Variants in TENM3 observed in about 807,000 individuals in gnomAD.
TENM3 encodes teneurin-3.
In TENM3, 63 loss-of-function variants were observed where a neutral mutation model predicts 255.1. The ratio of observed to expected loss-of-function variants is 0.25; its 90% CI spans 0.20 to 0.30. TENM3 has a LOEUF of 0.30. TENM3 is among the 10% of genes least tolerant of loss of function. The pLI is 1.00. For missense variants in TENM3, 2,929 were observed against 3,461.1 expected (o/e 0.85, Z 3.86); for synonymous variants, 1,306 against 1,322.3 (o/e 0.99, Z 0.27).
chr4:182,798,894 C>T (rs540545002), intron 27 of TENM3, among the ~76,000 whole-genome samples: 37 of 152,304 alleles, frequency 2.4e-4, no homozygotes, highest in Non-Finnish European at 4.4e-4. Flanking sequence ...AGACAAACAT[C>T]TGGTGGTATA....
chr4:181,653,835 G>A, the TENM3 span, among the ~76,000 whole-genome samples: 1 of 151,504 alleles, frequency 6.6e-6, no homozygotes, highest in African/African-American at 2.4e-5. Flanking sequence ...CATATATTAG[G>A]TAATTGCCCT....
the TENM3 span, among the ~76,000 whole-genome samples, chr4:182,103,316 A>G: frequency 6.6e-6 from 1 of 152,242 alleles, no homozygotes; most frequent in African/African-American, 2.4e-5. Flanking sequence ...TTTAAATACT[A>G]AAATCTGGCC....
chr4:181,729,041 A>G, the TENM3 span, among the ~76,000 whole-genome samples: 1 of 152,220 alleles, frequency 6.6e-6, no homozygotes, highest in African/African-American at 2.4e-5. Flanking sequence ...TGAACACTAC[A>G]AAATAAACCA....
rs1046135982 is a variant in TENM3 at position 182,792,737 on chromosome 4, A to G, written c.6065A>G (p.Asp2022Gly). The G allele has an allele frequency of 2.5e-6, 4 of 1,613,978 alleles. No homozygotes were observed. The highest frequency in any genetic ancestry group is 3.4e-6 in the Non-Finnish European group (4 of 1,179,904). Residue 2022 changes from aspartate (D) to glycine (G), a missense_variant, in exon 26 of 28, where the codon GAC becomes GGC. This residue lies in a region of TENM3 where 303 missense variants were observed against 425.2 expected (regional missense o/e 0.71). Coordinates refer to ENST00000511685, the MANE Select transcript of TENM3 (RefSeq NM_001080477.4). This position sits in a 1 kb window ranked among gnomAD's most constrained non-coding sequence, Gnocchi z 6.3. ...MVNARFDYSYDNSFRVTSMQG... is the reference protein window; with the variant it reads ...MVNARFDYSYGNSFRVTSMQG... ...AATGCAAGATTTGACTATAGCTATGACAACAGCTTTCGAGTGACCAGCATG... is the reference window on the plus strand; with the variant it reads ...AATGCAAGATTTGACTATAGCTATGGCAACAGCTTTCGAGTGACCAGCATG...
the TENM3 span, among the ~76,000 whole-genome samples, chr4:181,764,026 T>C: frequency 6.6e-6 from 1 of 152,216 alleles, no homozygotes. Context: ...TACTATTCTG[T>C]TTCCTTGGTT....
chr4:182,353,106 G>A (rs1051094513), intron 3 of TENM3, among the ~76,000 whole-genome samples: 6 of 152,074 alleles, frequency 3.9e-5, no homozygotes, highest in Admixed American at 6.5e-5. Context: ...GGAGGAAGGG[G>A]TACTGTCTTA....
chr4:182,621,053 C>T (rs1007482048), intron 4 of TENM3, among the ~76,000 whole-genome samples: 20 of 152,028 alleles, frequency 1.3e-4, no homozygotes, highest in East Asian at 3.9e-4. Flanking sequence ...TGGTGGCGGG[C>T]GCCTGTAGTC....
At chr4:182,281,534 T>A (rs1760383979) in intron 1 of TENM3, among the ~76,000 whole-genome samples, 1 of 152,060 alleles carries the variant, frequency 6.6e-6, no homozygotes, top group African/African-American at 2.4e-5. Context: ...TGGTGGTTTT[T>A]TTTGAGACAA....
intron 3 of TENM3, among the ~76,000 whole-genome samples, chr4:182,374,698 G>A (rs1767061368): frequency 6.6e-6 from 1 of 152,076 alleles, no homozygotes; most frequent in Non-Finnish European, 1.5e-5. Context: ...TATATAGGAG[G>A]TGTATATATT....
intron 24 of TENM3, among the ~76,000 whole-genome samples, chr4:182,775,720 C>G (rs142417689): frequency 1.4e-4 from 22 of 152,286 alleles, no homozygotes; most frequent in Middle Eastern, 3.4e-3. Flanking sequence ...TCAAAAGACA[C>G]AAAGACATGG....
At chr4:182,237,684 T>C (rs1579842174) in intron 1 of TENM3, among the ~76,000 whole-genome samples, 1 of 152,222 alleles carries the variant, frequency 6.6e-6, no homozygotes, top group Non-Finnish European at 1.5e-5. Context: ...GGCCGTATTG[T>C]CTGTTACACA....
intron 5 of TENM3, among the ~76,000 whole-genome samples, chr4:182,641,451 G>A (rs1171742319): frequency 6.6e-6 from 1 of 151,916 alleles, no homozygotes; most frequent in Non-Finnish European, 1.5e-5. Flanking sequence ...GCCAAAACAA[G>A]TGAAGAAATA....
At chr4:181,653,936 G>A in the TENM3 span, among the ~76,000 whole-genome samples, 1 of 151,668 alleles carries the variant, frequency 6.6e-6, no homozygotes, top group African/African-American at 2.4e-5. Flanking sequence ...ACAGTCTAGT[G>A]TTTTCATCAT....
rs192910950 is a variant in TENM3, at chr4:182,606,134, C to T, written c.749+4973C>T. 3.4e-4 allele frequency among the ~76,000 whole-genome samples: 52 copies of T among 152,226 alleles called. No homozygotes were observed. The East Asian group carries it at 8.3e-3, about 24-fold the overall frequency. ...CTTCGCAGAAAAAGCTTCTATTGGC[C>T]TCCAAAATATGTAGCTCCTAAAATA... On this transcript the variant is annotated intron_variant, in intron 4 of 27. Transcript: ENST00000511685.
At chr4:182,314,875 G>A (rs1386687955) in intron 1 of TENM3, among the ~76,000 whole-genome samples, 1 of 152,100 alleles carries the variant, frequency 6.6e-6, no homozygotes, top group African/African-American at 2.4e-5. Flanking sequence ...CTTTTGATTA[G>A]TTGTATATTT....
chr4:181,668,702 G>T, the TENM3 span, among the ~76,000 whole-genome samples: 1 of 152,044 alleles, frequency 6.6e-6, no homozygotes, highest in South Asian at 2.1e-4. Context: ...TGCAAATAAG[G>T]TTCCATTCTA....
At chr4:182,083,178 C>T in the TENM3 span, among the ~76,000 whole-genome samples, 3,809 of 152,266 alleles carry the variant, frequency 0.025, 84 homozygotes, top group South Asian at 0.053. Context: ...GCTCATTTAA[C>T]TTCTATTGTA....
At position 182,600,999 on chromosome 4, in the gene TENM3, A is replaced by G. The variant is rs768957382; in HGVS notation, c.587A>G (p.His196Arg). ...PPSHKQHSAQ[H>R]HPSITSLNRN... is the part of the protein sequence containing the mutation. ...TCCCATAAGCAGCACTCTGCACAGCATCATCCATCCATCACTTCTCTCAAC... is the reference window on the plus strand; with the variant it reads ...TCCCATAAGCAGCACTCTGCACAGCGTCATCCATCCATCACTTCTCTCAAC... Residue 196 changes from histidine (H) to arginine (R), a missense_variant, in exon 4 of 28, where the codon CAT (histidine) becomes CGT (arginine). By Grantham distance (29) the His-to-Arg change is conservative. Transcript: ENST00000511685. The G allele has an allele frequency of 5.0e-6, 8 of 1,607,036 alleles. No homozygotes were observed. The South Asian group carries it at 7.7e-5, about 15-fold the overall frequency.
At chr4:181,711,281 C>A in the TENM3 span, among the ~76,000 whole-genome samples, 1 of 152,074 alleles carries the variant, frequency 6.6e-6, no homozygotes, top group African/African-American at 2.4e-5. Flanking sequence ...AAAATACCAT[C>A]ATTTGGTCAA....
Sources: gnomAD v4.1 joint callset for allele counts (sites outside exome capture counted in the v4.1 genomes callset) on GRCh38, gnomAD v4.1.1 for gene constraint, gnomAD v4.1.1 regional missense constraint, Gnocchi (gnomAD v3.1) non-coding constraint, MANE v1.5 for transcripts, NCBI Gene and HGNC (gene_info 2026-07-23, HGNC 2026-07-21) for gene names.